The following GREB1L variants were observed in gnomAD, a reference collection of about 807,000 sequenced individuals.
GREB1L encodes the protein GREB1 like retinoic acid receptor coactivator.
In GREB1L, 17 loss-of-function variants were observed where a neutral mutation model predicts 200.8. The observed-to-expected ratio is 0.08, with a 90% CI of 0.06 to 0.13. The LOEUF is 0.13. GREB1L is among the 10% of genes least tolerant of loss of function. GREB1L has a pLI of 1.00. For synonymous variants in GREB1L, 789 were observed against 893.0 expected (o/e 0.88, Z 2.08); for missense variants, 1,657 against 2,367.7 (o/e 0.70, Z 6.23).
intron 14 of GREB1L, 91 bp from the exon 15 acceptor site, chr18:21,454,275 C>T (rs767263823): frequency 7.7e-6 from 6 of 779,840 alleles, no homozygotes; most frequent in South Asian, 5.3e-5. Flanking sequence ...ATTACATTAC[C>T]GTCTGTGTGG....
intron 1 of GREB1L, among the ~76,000 whole-genome samples, chr18:21,290,570 C>A (rs1353422231): frequency 1.3e-5 from 2 of 152,124 alleles, no homozygotes; most frequent in African/African-American, 4.8e-5. Context: ...TGCCTATAAT[C>A]CCAGCATTTT....
At position 21,449,777 on chromosome 18, in the gene GREB1L, A is replaced by T. The variant is rs2034426680; in HGVS notation, c.1661A>T (p.Tyr554Phe). The change falls in exon 12 of 33, where the codon TAT (tyrosine) becomes TTT (phenylalanine). Residue 554 changes from tyrosine (Y) to phenylalanine (F), a missense_variant. This residue lies in a region of GREB1L where 239 missense variants were observed against 421.8 expected (regional missense o/e 0.57). Coordinates refer to ENST00000424526, the MANE Select transcript of GREB1L (RefSeq NM_001142966.3). ...EMRHYQRLPD[Y>F]VVVICASKIR... ...AGACACTATCAAAGGCTGCCAGATT[A>T]TGTGGTGGTAATTTGTGCATCGAAA... 1 of 1,550,188 alleles carries T rather than the reference A, an allele frequency of 6.5e-7. No homozygotes were observed. Among genetic ancestry groups the T allele is most frequent in the Non-Finnish European group, 8.7e-7 (1 of 1,146,206 alleles).
At chr18:21,312,828 A>G (rs1353166013) in intron 1 of GREB1L, among the ~76,000 whole-genome samples, 1 of 152,200 alleles carries the variant, frequency 6.6e-6, no homozygotes, top group African/African-American at 2.4e-5. Flanking sequence ...CTGGGATTAC[A>G]GGTGTGAGCC....
chr18:21,370,225 AT>A (rs201555932), intron 2 of GREB1L, among the ~76,000 whole-genome samples: 10 of 151,368 alleles, frequency 6.6e-5, no homozygotes, highest in East Asian at 3.9e-4. Flanking sequence ...CAATTTATTC[AT>A]TTTTTTTTAC....
intron 7 of GREB1L, among the ~76,000 whole-genome samples, chr18:21,435,575 A>G (rs1474103563): frequency 6.6e-6 from 1 of 152,234 alleles, no homozygotes; most frequent in African/African-American, 2.4e-5. Context: ...TCTTCACTGT[A>G]CAAAGGAGTA....
At chr18:21,448,636 T>G (rs752929583) in intron 11 of GREB1L, among the ~76,000 whole-genome samples, 1 of 152,174 alleles carries the variant, frequency 6.6e-6, no homozygotes, top group Non-Finnish European at 1.5e-5. Context: ...GAGCCTGAGT[T>G]TCAAATATTG....
At chr18:21,479,356 AG>A (rs1356705037) in intron 17 of GREB1L, among the ~76,000 whole-genome samples, 1 of 152,192 alleles carries the variant, frequency 6.6e-6, no homozygotes, top group East Asian at 1.9e-4. Flanking sequence ...ACCATGAAAT[AG>A]AGAAACAGGC....
At position 21,428,501 on chromosome 18, in the gene GREB1L, C is replaced by T. The variant is rs1425114487; in HGVS notation, c.833-11020C>T. ...ATTTTGTCAAATGCTTTACCTGTGT[C>T]TCTTGAGATGATCATGTGGTTTTTG... is the stretch of plus-strand genomic sequence containing the variant. On this transcript the variant is annotated intron_variant, in intron 7 of 32. Coordinates refer to ENST00000424526, the MANE Select transcript of GREB1L (RefSeq NM_001142966.3). Among the ~76,000 whole-genome samples, 3 of 150,822 alleles carry T rather than the reference C, an allele frequency of 2.0e-5. No individual in the cohort carries two copies. The East Asian group carries it at 5.8e-4, about 29-fold the overall frequency.
intron 15 of GREB1L, among the ~76,000 whole-genome samples, chr18:21,456,434 A>G (rs1444776521): frequency 6.6e-6 from 1 of 152,206 alleles, no homozygotes. Context: ...ATTTTCTCAT[A>G]TGCTCCATAA....
intron 15 of GREB1L, among the ~76,000 whole-genome samples, chr18:21,472,477 A>G (rs1201807758): frequency 6.6e-6 from 1 of 152,216 alleles, no homozygotes; most frequent in East Asian, 1.9e-4. Flanking sequence ...TCCAACATTC[A>G]CTGAGGTCTG....
At chr18:21,245,056 A>AT (rs1197840949) in intron 1 of GREB1L, among the ~76,000 whole-genome samples, 1 of 152,190 alleles carries the variant, frequency 6.6e-6, no homozygotes, top group Non-Finnish European at 1.5e-5. Flanking sequence ...GAAACTTCTA[A>AT]TTTGTAAAGT....
At chr18:21,255,375 AAG>A (rs1263767333) in intron 1 of GREB1L, among the ~76,000 whole-genome samples, 7 of 152,238 alleles carry the variant, frequency 4.6e-5, no homozygotes, top group Non-Finnish European at 7.3e-5. Flanking sequence ...CCCTGTGACT[AAG>A]CGGCTACTGT....
At chr18:21,414,494 T>G (rs1050732898) in intron 7 of GREB1L, among the ~76,000 whole-genome samples, 4 of 152,210 alleles carry the variant, frequency 2.6e-5, no homozygotes, top group African/African-American at 9.7e-5. Flanking sequence ...TTTACTGATC[T>G]CTCGTCAGCT....
intron 1 of GREB1L, among the ~76,000 whole-genome samples, chr18:21,346,883 A>C (rs1598679871): frequency 6.6e-6 from 1 of 151,998 alleles, no homozygotes; most frequent in East Asian, 1.9e-4. Flanking sequence ...CCTTTTCTTT[A>C]AGGAAAGAAC....
Position 21,520,737 on chromosome 18 carries a change from G to A in GREB1L, c.5522G>A (p.Cys1841Tyr). The A allele has an allele frequency of 6.4e-7, 1 of 1,551,462 alleles. No individual in the cohort carries two copies. Among genetic ancestry groups the A allele is most frequent in the South Asian group, 1.2e-5 (1 of 84,048 alleles). Residue 1841 changes from cysteine (C) to tyrosine (Y), a missense_variant, in exon 32 of 33, where the codon TGT becomes TAT. Physicochemically the swap from Cys to Tyr is radical, Grantham distance 194 (BLOSUM62 -2). Around this residue, in one of 9 missense-constraint regions of GREB1L, gnomAD observed 190 missense variants for 230.2 expected, o/e 0.83. Coordinates refer to ENST00000424526, the MANE Select transcript of GREB1L (RefSeq NM_001142966.3). ...AGACCCCACTCCAGCAATGTCAACT[G>A]TGAAGGGGTGTTTTTCAGTGGACTC... is the stretch of plus-strand genomic sequence containing the variant. The part of the protein sequence containing the change: ...SSRPHSSNVN[C>Y]EGVFFSGLLL...
At chr18:21,441,237 T>A (rs2033882710) in intron 9 of GREB1L, among the ~76,000 whole-genome samples, 163 bp from the exon 10 acceptor site, 1 of 152,218 alleles carries the variant, frequency 6.6e-6, no homozygotes, top group Admixed American at 6.5e-5. Flanking sequence ...TTTCTCCTTT[T>A]GTTTTTTTCA....
rs1157321167 is a variant in GREB1L, at chr18:21,383,799, G to A, written c.157+124G>A. ...GTGATCTCGGCTCACTGCAACGTCT[G>A]CCTCCTGGGTTCAAGCAATTCTCCT... On this transcript the variant is annotated intron_variant, in intron 3 of 32. Coordinates refer to ENST00000424526, the MANE Select transcript of GREB1L (RefSeq NM_001142966.3). 2.3e-5 allele frequency: 21 copies of A among 932,310 alleles called. No individual in the cohort carries two copies. The East Asian group carries it at 5.5e-4, about 24-fold the overall frequency. The allele number at this position is 932,310 out of a possible 1,614,324, so 57.8% of individuals were successfully genotyped here. A position where few individuals can be genotyped will look rare whatever the true frequency, so the allele number is the denominator to read the frequency against.
At chr18:21,507,213 C>T (rs1215798950) in intron 25 of GREB1L, among the ~76,000 whole-genome samples, 1 of 152,012 alleles carries the variant, frequency 6.6e-6, no homozygotes, top group Non-Finnish European at 1.5e-5. Context: ...GACCCAAGTC[C>T]CCTGGTCTAC....
intron 2 of GREB1L, chr18:21,380,264 G>A (rs759956375): frequency 6.6e-6 from 1 of 152,176 alleles, no homozygotes; most frequent in African/African-American, 2.4e-5. Context: ...CAGAGCTTTA[G>A]TGTGTGTCTG....
Sources: gnomAD v4.1 joint callset for allele counts (sites outside exome capture counted in the v4.1 genomes callset) on GRCh38, gnomAD v4.1.1 for gene constraint, gnomAD v4.1.1 regional missense constraint, MANE v1.5 for transcripts, NCBI Gene and HGNC (gene_info 2026-07-23, HGNC 2026-07-21) for gene names.